Variants in ATP9B observed in about 807,000 individuals in gnomAD.
ATP9B encodes ATPase phospholipid transporting 9B.
In ATP9B, 110 loss-of-function variants were observed where a neutral mutation model predicts 146.1. That is an observed-to-expected ratio of 0.75 (90% confidence interval 0.65 to 0.88). ATP9B has a LOEUF of 0.88. Ranked by LOEUF, ATP9B falls within the 40% of genes least tolerant of loss-of-function variation. The pLI is 0.00. For missense variants in ATP9B, 1,499 were observed against 1,496.4 expected (o/e 1.00, Z -0.03); for synonymous variants, 604 against 569.7 (o/e 1.06, Z -0.86).
chr18:79,354,592 A>C (rs2096940051), intron 25 of ATP9B: 2 of 134,886 alleles, frequency 1.5e-5, no homozygotes, highest in Admixed American at 7.4e-5. Flanking sequence ...AAAAAAAAAA[A>C]AAAACCCAGC....
rs1365150142 is a variant in ATP9B at position 79,307,038 on chromosome 18, C to G, written c.1577C>G (p.Ala526Gly). Residue 526 changes from alanine to glycine, a missense_variant, in exon 15 of 30, where the codon GCC becomes GGC. By Grantham distance (60) the Ala-to-Gly change is moderately conservative. Coordinates refer to ENST00000426216, the MANE Select transcript of ATP9B (RefSeq NM_198531.5). The stretch of plus-strand genomic sequence containing the variant: ...ACTGGTTCAACTCCACTAAGAAAAG[C>G]CCAATCTTCAGCTCCCAAAGTTAGG... ...NNTGSTPLRK[A>G]QSSAPKVRKS... 2.5e-6 allele frequency: 4 copies of G among 1,614,178 alleles called. No individual in the cohort carries two copies. The highest frequency in any genetic ancestry group is 2.2e-5 in the East Asian group (1 of 44,886).
At chr18:79,245,767 TACTG>T (rs2095945905) in intron 11 of ATP9B, among the ~76,000 whole-genome samples, 2 of 141,930 alleles carry the variant, frequency 1.4e-5, no homozygotes, top group Admixed American at 7.0e-5. Context: ...GGCACCGCCC[TACTG>T]ACTGAGGAGG....
chr18:79,288,570 T>C (rs1466335668), intron 13 of ATP9B, among the ~76,000 whole-genome samples: 1 of 152,050 alleles, frequency 6.6e-6, no homozygotes, highest in Non-Finnish European at 1.5e-5. Context: ...CTTTATCCAA[T>C]TTGCCAGTCT....
intron 9 of ATP9B, among the ~76,000 whole-genome samples, chr18:79,197,073 C>T (rs528509109): frequency 6.6e-6 from 1 of 152,142 alleles, no homozygotes; most frequent in Non-Finnish European, 1.5e-5. Flanking sequence ...GTTGAACATA[C>T]ATTTGCTTGT....
chr18:79,203,545 C>G (rs1362205505), intron 9 of ATP9B, among the ~76,000 whole-genome samples: 1 of 152,150 alleles, frequency 6.6e-6, no homozygotes, highest in South Asian at 2.1e-4. Context: ...CATGAGTGTT[C>G]TTTTGTTTAT....
chr18:79,072,648 C>T (rs989468635), intron 1 of ATP9B, among the ~76,000 whole-genome samples: 1 of 152,190 alleles, frequency 6.6e-6, no homozygotes, highest in Non-Finnish European at 1.5e-5. Context: ...ATGGCCCGTT[C>T]TCAGTGAGCT....
chr18:79,107,835 G>A (rs2075756763), intron 2 of ATP9B, among the ~76,000 whole-genome samples: 1 of 152,194 alleles, frequency 6.6e-6, no homozygotes, highest in Non-Finnish European at 1.5e-5. Flanking sequence ...TGATACTGAT[G>A]TGGCGGGAGG....
chr18:79,245,159 C>T (rs1357084453), intron 11 of ATP9B, among the ~76,000 whole-genome samples: 2 of 152,108 alleles, frequency 1.3e-5, no homozygotes, highest in African/African-American at 4.8e-5. Flanking sequence ...CTTTATAACC[C>T]CCCTAAAGTC....
intron 7 of ATP9B, among the ~76,000 whole-genome samples, chr18:79,156,357 T>TATGCCAC (rs1272119376): frequency 6.6e-6 from 1 of 152,192 alleles, no homozygotes; most frequent in Non-Finnish European, 1.5e-5. Context: ...CAAAAGTCTG[T>TATGCCAC]ATGCCACATC....
At chr18:79,189,311 C>A (rs1375690483) in intron 8 of ATP9B, among the ~76,000 whole-genome samples, 1 of 152,048 alleles carries the variant, frequency 6.6e-6, no homozygotes, top group Non-Finnish European at 1.5e-5. Flanking sequence ...CTTGCCGCTG[C>A]ACTCCAGCCT....
chr18:79,154,483 C>T, intron 6 of ATP9B, 21 bp from the exon 7 acceptor site: 1 of 1,518,946 alleles, frequency 6.6e-7, no homozygotes, highest in Non-Finnish European at 8.8e-7. Context: ...GATAATTAAT[C>T]TTTTATAATG....
At position 79,337,413 on chromosome 18, in the gene ATP9B, G is replaced by A. The variant is rs1413818448; in HGVS notation, c.2247G>A (p.Arg749=). 1 of 1,613,284 alleles carries A rather than the reference G, an allele frequency of 6.2e-7. No homozygotes were observed. The highest frequency in any genetic ancestry group is 1.1e-5 in the South Asian group (1 of 91,072). Residue 749 remains arginine (R), a synonymous_variant, in exon 19 of 30, where the codon CGG becomes CGA. Coordinates refer to ENST00000426216, the MANE Select transcript of ATP9B (RefSeq NM_198531.5). ...GVEDQLQADV[R]PTLEMLRNAG... is the part of the protein sequence containing the mutation. ...AGGACCAGCTGCAGGCAGACGTGCGGCCCACGCTGGAGATGCTGCGCAACG... is the reference window on the plus strand; with the variant it reads ...AGGACCAGCTGCAGGCAGACGTGCGACCCACGCTGGAGATGCTGCGCAACG...
intron 12 of ATP9B, among the ~76,000 whole-genome samples, chr18:79,258,300 T>A (rs925445815): frequency 9.2e-5 from 14 of 152,110 alleles, no homozygotes; most frequent in African/African-American, 3.4e-4. Flanking sequence ...CATGGTGGCA[T>A]GCGCCTGTAG....
intron 3 of ATP9B, 88 bp from the exon 4 acceptor site, chr18:79,113,153 A>T (rs914251347): frequency 3.8e-5 from 25 of 661,770 alleles, no homozygotes; most frequent in Non-Finnish European, 6.3e-5. Context: ...AAATGTGGTT[A>T]TATGTTGTGC....
At chr18:79,369,003 G>A (rs1193119853) in intron 26 of ATP9B, among the ~76,000 whole-genome samples, 1 of 151,908 alleles carries the variant, frequency 6.6e-6, no homozygotes, top group East Asian at 1.9e-4. Context: ...CTGTTTGGAG[G>A]GTTTGTTCTT....
chr18:79,089,909 T>G (rs889814362), intron 1 of ATP9B, among the ~76,000 whole-genome samples: 13 of 152,214 alleles, frequency 8.5e-5, no homozygotes, highest in African/African-American at 3.1e-4. Flanking sequence ...CCATCCATTC[T>G]TTGTCCCCCA....
intron 13 of ATP9B, among the ~76,000 whole-genome samples, chr18:79,286,443 G>A (rs1257860746): frequency 6.6e-6 from 1 of 151,866 alleles, no homozygotes; most frequent in Non-Finnish European, 1.5e-5. Flanking sequence ...GTATAAGAAT[G>A]CTTGTGATTT....
In ATP9B at chr18:79,283,280, C is replaced by T. The variant is rs555416047; in HGVS notation, c.1411+6084C>T. 3.3e-5 allele frequency among the ~76,000 whole-genome samples: 5 copies of T among 152,216 alleles called. No individual in the cohort carries two copies. The East Asian group carries it at 5.8e-4, about 18-fold the overall frequency. ...TTTATTATAAAGCGTCCTGGTTCTC[C>T]GTATCAGAGGAGGCATGTTGAGCCA... On this transcript the variant is annotated intron_variant, in intron 13 of 29. Transcript: ENST00000426216.
chr18:79,327,525 TCTC>T (rs2096756923), intron 15 of ATP9B, among the ~76,000 whole-genome samples: 2 of 136,080 alleles, frequency 1.5e-5, no homozygotes, highest in Non-Finnish European at 1.6e-5. Context: ...GTTAGCGTGC[TCTC>T]CGTGGTTAGC....
Sources: allele counts gnomAD v4.1 joint callset (sites outside exome capture counted in the v4.1 genomes callset), GRCh38; gene constraint gnomAD v4.1.1; transcripts MANE v1.5; gene names NCBI Gene and HGNC (gene_info 2026-07-23, HGNC 2026-07-21).